The following PAK5 variants were observed in gnomAD, a reference collection of about 807,000 sequenced individuals.
The protein encoded by PAK5 is p21 (RAC1) activated kinase 5.
In PAK5, 16 loss-of-function variants were observed where a neutral mutation model predicts 65.9. The ratio of observed to expected loss-of-function variants is 0.24; its 90% CI spans 0.16 to 0.37. PAK5 has a LOEUF of 0.37. Ranked by LOEUF, PAK5 falls within the 10% of genes least tolerant of loss-of-function variation. The pLI is 1.00. For synonymous variants in PAK5, 371 were observed against 354.9 expected (o/e 1.05, Z -0.51); for missense variants, 785 against 903.9 (o/e 0.87, Z 1.69).
intron 3 of PAK5, among the ~76,000 whole-genome samples, chr20:9,607,784 A>G (rs1296648766): frequency 6.6e-6 from 1 of 152,066 alleles, no homozygotes; most frequent in African/African-American, 2.4e-5. Context: ...TATGATCTTC[A>G]TGCCACTGCC....
Position 9,733,598 on chromosome 20 carries a change from C to A in PAK5, c.-161-22163G>T, listed in dbSNP as rs148449465. On this transcript the variant is annotated intron_variant, in intron 1 of 9. Coordinates refer to ENST00000353224, the MANE Select transcript of PAK5 (RefSeq NM_177990.4). ...TAGCTGAGATTACAAGCAGGTGCCA[C>A]CACACCCAACTAATTTTTGTGTTTT... Among the ~76,000 whole-genome samples the A allele has an allele frequency of 1.4e-4, 22 of 152,250 alleles. No individual in the cohort carries two copies. In the East Asian group the frequency reaches 4.1e-3, roughly 28 times the overall value.
At chr20:9,726,009 G>A (rs1363074980) in intron 1 of PAK5, among the ~76,000 whole-genome samples, 1 of 152,042 alleles carries the variant, frequency 6.6e-6, no homozygotes, top group Non-Finnish European at 1.5e-5. Context: ...ATAGAATGAT[G>A]TTTCAAAATA....
At position 9,566,018 on chromosome 20, in the gene PAK5, T is replaced by C; in HGVS notation, c.1357A>G (p.Ile453Val). The change falls in exon 5 of 10, where the codon ATC becomes GTC. Residue 453 changes from isoleucine (I) to valine (V), a missense_variant. Ile to Val is a conservative substitution (Grantham distance 29). Coordinates refer to ENST00000353224, the MANE Select transcript of PAK5 (RefSeq NM_177990.4). ...GDPREYLANFIKIGEGSTGIV... is the reference protein window; with the variant it reads ...GDPREYLANFVKIGEGSTGIV... ...CCGGTTGAGCCTTCCCCGATTTTGA[T>C]AAAGTTGGCCAAGTATTCCCTGGGG... The C allele has an allele frequency of 6.2e-7, 1 of 1,613,584 alleles. No individual in the cohort carries two copies. The highest frequency in any genetic ancestry group is 8.5e-7 in the Non-Finnish European group (1 of 1,179,846).
intron 3 of PAK5, among the ~76,000 whole-genome samples, chr20:9,608,755 G>A (rs1235739172): frequency 6.6e-6 from 1 of 152,166 alleles, no homozygotes; most frequent in African/African-American, 2.4e-5. Context: ...AACACTATTT[G>A]AATCATTTAG....
At chr20:9,830,473 T>C (rs1978624208) in intron 1 of PAK5, among the ~76,000 whole-genome samples, 1 of 152,204 alleles carries the variant, frequency 6.6e-6, no homozygotes, top group African/African-American at 2.4e-5. Flanking sequence ...CTGGTATTCA[T>C]GGTGAACTAA....
intron 4 of PAK5, among the ~76,000 whole-genome samples, chr20:9,571,642 G>A (rs575420449): frequency 6.6e-6 from 1 of 152,294 alleles, no homozygotes; most frequent in East Asian, 1.9e-4. Flanking sequence ...CTACATGCCA[G>A]GGACTGTTCT....
intron 3 of PAK5, among the ~76,000 whole-genome samples, chr20:9,581,501 C>T (rs189753061): frequency 1.3e-5 from 2 of 152,232 alleles, no homozygotes; most frequent in Non-Finnish European, 2.9e-5. Context: ...GCAGGCACTT[C>T]CTGAAACTGT....
chr20:9,574,918 C>A (rs977299148), intron 4 of PAK5, among the ~76,000 whole-genome samples: 1 of 152,190 alleles, frequency 6.6e-6, no homozygotes, highest in African/African-American at 2.4e-5. Context: ...ACCCATTAAA[C>A]CCTGAATGGA....
chr20:9,764,098 T>C lies in PAK5; in HGVS notation c.-161-52663A>G, dbSNP rs374848361. 2.0e-5 allele frequency among the ~76,000 whole-genome samples: 3 copies of C among 152,232 alleles called. No individual in the cohort carries two copies. The South Asian group carries it at 6.2e-4, about 32-fold the overall frequency. ...AAATCTCCACCTTAAACCAATAATG[T>C]CCTTTATAGTTTCATTTTCCAGGAT... is the stretch of plus-strand genomic sequence containing the variant. On this transcript the variant is annotated intron_variant, in intron 1 of 9. Transcript: ENST00000353224.
chr20:9,802,934 G>C (rs1229835779), intron 1 of PAK5, among the ~76,000 whole-genome samples: 3 of 13,302 alleles, frequency 2.3e-4, no homozygotes, highest in African/African-American at 7.3e-4. Context: ...ATATATATAT[G>C]AATTACTAAT....
In PAK5 at chr20:9,588,010, C is replaced by G. The variant is rs139769265; in HGVS notation, c.205-7080G>C. 3.7e-3 allele frequency among the ~76,000 whole-genome samples: 570 copies of G among 152,202 alleles called. 3 individuals carry two copies. Among genetic ancestry groups the G allele is most frequent in the African/African-American group, 0.013 (536 of 41,530 alleles). ...CACTATATATACACATTGGGAATTA[C>G]ATGTTCATTTTCTCATTCCCTTTGA... On this transcript the variant is annotated intron_variant, in intron 3 of 9. Transcript: ENST00000353224.
At chr20:9,662,656 G>A (rs2047361928) in intron 2 of PAK5, among the ~76,000 whole-genome samples, 1 of 152,168 alleles carries the variant, frequency 6.6e-6, no homozygotes, top group African/African-American at 2.4e-5. Context: ...TCCACTTGCT[G>A]ACCAGGAGCA....
At position 9,582,153 on chromosome 20, in the gene PAK5, T is replaced by A. The variant is rs6056716; in HGVS notation, c.205-1223A>T. The stretch of plus-strand genomic sequence containing the variant: ...AGTTCTCATAGACTTCTCATCCAGT[T>A]TCCCCTTGAGTTAATATCTTGCATT... On this transcript the variant is annotated intron_variant, in intron 3 of 9. Transcript: ENST00000353224. Among the ~76,000 whole-genome samples, 997 of 152,306 alleles carry A rather than the reference T, an allele frequency of 6.5e-3. 14 individuals are homozygous for A. The highest frequency in any genetic ancestry group is 0.023 in the African/African-American group (939 of 41,562).
At chr20:9,732,388 C>G (rs1249988785) in intron 1 of PAK5, among the ~76,000 whole-genome samples, 1 of 152,086 alleles carries the variant, frequency 6.6e-6, no homozygotes, top group Non-Finnish European at 1.5e-5. Flanking sequence ...ATTTTTAAAA[C>G]TTTCTGATGA....
Position 9,539,557 on chromosome 20 carries a change from C to G in PAK5, c.2065G>C (p.Ala689Pro). The change falls in exon 10 of 10, where the codon GCA becomes CCA. Residue 689 changes from alanine to proline, a missense_variant. This residue lies in a region of PAK5 where 110 missense variants were observed against 107.4 expected (regional missense o/e 1.02). Coordinates refer to ENST00000353224, the MANE Select transcript of PAK5 (RefSeq NM_177990.4). ...TGTCCGAGGAGTTCCTGGGCTGTTG[C>G]TCTCTGAGAGGGCTCCCTCACCAAC... Reference protein sequence around the residue: ...LMLVREPSQRATAQELLGHPF... With the variant: ...LMLVREPSQRPTAQELLGHPF... 1 of 1,613,720 alleles carries G rather than the reference C, an allele frequency of 6.2e-7. No homozygotes were observed. The highest frequency in any genetic ancestry group is 1.1e-5 in the South Asian group (1 of 91,060).
At chr20:9,567,168 C>G (rs1012048805) in intron 4 of PAK5, among the ~76,000 whole-genome samples, 1 of 152,164 alleles carries the variant, frequency 6.6e-6, no homozygotes, top group Non-Finnish European at 1.5e-5. Context: ...ATGTGGTATG[C>G]TCCTAGCCCA....
At chr20:9,746,621 T>C (rs2048511339) in intron 1 of PAK5, among the ~76,000 whole-genome samples, 1 of 152,164 alleles carries the variant, frequency 6.6e-6, no homozygotes, top group African/African-American at 2.4e-5. Context: ...CACTAATTCA[T>C]TAGCCATTAG....
chr20:9,756,733 T>C (rs1322998259), intron 1 of PAK5, among the ~76,000 whole-genome samples: 4 of 152,164 alleles, frequency 2.6e-5, no homozygotes, highest in Non-Finnish European at 4.4e-5. Context: ...ACAATGTATA[T>C]AGCTCATGTT....
At chr20:9,568,486 G>A (rs1421338020) in intron 4 of PAK5, among the ~76,000 whole-genome samples, 2 of 152,136 alleles carry the variant, frequency 1.3e-5, no homozygotes, top group East Asian at 3.8e-4. Context: ...GTGATAATCA[G>A]CTTCCAAATT....
Sources: gnomAD v4.1 joint callset for allele counts (sites outside exome capture counted in the v4.1 genomes callset) on GRCh38, gnomAD v4.1.1 for gene constraint, gnomAD v4.1.1 regional missense constraint, MANE v1.5 for transcripts, NCBI Gene and HGNC (gene_info 2026-07-23, HGNC 2026-07-21) for gene names.